Variants in RNF6 observed in about 807,000 individuals in gnomAD.
The protein encoded by RNF6 is ring finger protein 6, also known as E3 ubiquitin-protein ligase RNF6.
In RNF6, 21 loss-of-function variants were observed where a neutral mutation model predicts 50.1. The observed-to-expected ratio is 0.42, with a 90% CI of 0.30 to 0.60. The LOEUF (loss-of-function observed/expected upper bound fraction) is 0.60. Among genes scored for constraint, RNF6 ranks in the 20% least tolerant of loss-of-function variants. RNF6 has a pLI of 0.20. For synonymous variants in RNF6, 255 were observed against 291.8 expected (o/e 0.87, Z 1.29); for missense variants, 698 against 838.2 (o/e 0.83, Z 2.07).
At chr13:26,141,811 A>G (rs932820684) in intron 5 of RNF6, among the ~76,000 whole-genome samples, 1 of 152,164 alleles carries the variant, frequency 6.6e-6, no homozygotes, top group East Asian at 1.9e-4. Context: ...CTTTCTGGAC[A>G]TTGGCCTTGG....
downstream of RNF6, among the ~76,000 whole-genome samples, chr13:26,212,215 G>A (rs909333266): frequency 6.6e-6 from 1 of 152,084 alleles, no homozygotes; most frequent in Non-Finnish European, 1.5e-5. Flanking sequence ...AAAATCAAGA[G>A]ACATCTAACA....
intron 5 of RNF6, among the ~76,000 whole-genome samples, chr13:26,186,507 A>G (rs1463901909): frequency 6.6e-6 from 1 of 152,162 alleles, no homozygotes; most frequent in African/African-American, 2.4e-5. Context: ...GACGCTTCGG[A>G]GCAGGTCTGT....
chr13:26,220,860 A>C (rs1176005680), intron 2 of RNF6, among the ~76,000 whole-genome samples: 2 of 152,250 alleles, frequency 1.3e-5, no homozygotes, highest in Non-Finnish European at 2.9e-5. Flanking sequence ...GCTGCTTTAA[A>C]TATAAGGTGA....
intron 5 of RNF6, among the ~76,000 whole-genome samples, chr13:26,141,625 T>G (rs901933177): frequency 9.2e-5 from 14 of 151,778 alleles, no homozygotes; most frequent in African/African-American, 3.4e-4. Context: ...AAACAAACAA[T>G]GGGGAAAGAA....
intron 5 of RNF6, among the ~76,000 whole-genome samples, chr13:26,181,224 C>T (rs954461864): frequency 3.0e-4 from 45 of 152,110 alleles, no homozygotes; most frequent in African/African-American, 8.0e-4. Flanking sequence ...AGATTAGAGT[C>T]GGGGGCTCTG....
intron 5 of RNF6, chr13:26,142,330 C>T (rs1341594014): frequency 6.6e-6 from 1 of 152,096 alleles, no homozygotes; most frequent in East Asian, 1.9e-4. Flanking sequence ...GGAGATTTAT[C>T]AAAGAACTAA....
At chr13:26,211,729 G>GC (rs61383574), downstream of RNF6, among the ~76,000 whole-genome samples, 5,540 of 152,220 alleles carry the variant, frequency 0.036, 181 homozygotes, top group African/African-American at 0.08. Flanking sequence ...CTGCACTCAA[G>GC]CCTGGGCAAC....
intron 5 of RNF6, among the ~76,000 whole-genome samples, chr13:26,153,681 A>T (rs544195873): frequency 6.6e-6 from 1 of 152,328 alleles, no homozygotes; most frequent in East Asian, 1.9e-4. Context: ...AAAGCCTTGA[A>T]TTTAACTCGT....
intron 5 of RNF6, among the ~76,000 whole-genome samples, chr13:26,197,171 C>T (rs1402993565): frequency 6.6e-6 from 1 of 151,814 alleles, no homozygotes; most frequent in African/African-American, 2.4e-5. Context: ...CCCCATGCTC[C>T]TGGGATGATC....
chr13:26,219,445 C>G lies in RNF6; in HGVS notation c.193+12G>C. ...TGAAAAAAGGGTGTTTCCTCTTTTACCCATCTCTTACCAGGGGTGCCTAAA... is the reference window on the plus strand; with the variant it reads ...TGAAAAAAGGGTGTTTCCTCTTTTAGCCATCTCTTACCAGGGGTGCCTAAA... On this transcript the variant is annotated intron_variant, in intron 3 of 4. Transcript: ENST00000381588. 1 of 1,580,858 alleles carries G rather than the reference C, an allele frequency of 6.3e-7. No homozygotes were observed. Among genetic ancestry groups the G allele is most frequent in the African/African-American group, 1.3e-5 (1 of 74,202 alleles).
chr13:26,205,180 A>G (rs1869059674), intron 5 of RNF6, among the ~76,000 whole-genome samples: 1 of 152,030 alleles, frequency 6.6e-6, no homozygotes, highest in Non-Finnish European at 1.5e-5. Context: ...TAACACCAAC[A>G]ATTAGACATC....
At chr13:26,218,710 T>G (rs1241478809) in intron 3 of RNF6, 104 bp from the exon 4 acceptor site, 5 of 798,606 alleles carry the variant, frequency 6.3e-6, no homozygotes, top group Admixed American at 2.1e-5. Context: ...GACAAATGTC[T>G]TATTACTTTC....
chr13:26,140,470 C>A (rs554254328), intron 5 of RNF6, among the ~76,000 whole-genome samples: 1 of 152,234 alleles, frequency 6.6e-6, no homozygotes, highest in African/African-American at 2.4e-5. Context: ...AAAGCATCAA[C>A]AAACTAGGAA....
chr13:26,141,577 C>T (rs148358122), intron 5 of RNF6, among the ~76,000 whole-genome samples: 190 of 152,164 alleles, frequency 1.2e-3, no homozygotes, highest in Non-Finnish European at 2.1e-3. Context: ...AATAAAGCAG[C>T]ATATCGACAA....
intron 4 of RNF6, among the ~76,000 whole-genome samples, chr13:26,217,577 T>G (rs1419158414): frequency 6.6e-6 from 1 of 152,244 alleles, no homozygotes; most frequent in African/African-American, 2.4e-5. Context: ...GGTTGCGACT[T>G]ACCTTGATCA....
intron 5 of RNF6, among the ~76,000 whole-genome samples, chr13:26,143,435 G>A (rs1467028815): frequency 6.6e-6 from 1 of 152,194 alleles, no homozygotes; most frequent in Non-Finnish European, 1.5e-5. Context: ...TCCCAATTCA[G>A]TAGTGGAATC....
intron 5 of RNF6, among the ~76,000 whole-genome samples, chr13:26,134,373 G>C (rs759114285): frequency 1.3e-5 from 2 of 152,238 alleles, no homozygotes; most frequent in Non-Finnish European, 2.9e-5. Flanking sequence ...ATGGGTGAGC[G>C]TGAGGCCACA....
chr13:26,179,060 C>A (rs1276224243), intron 5 of RNF6, among the ~76,000 whole-genome samples: 2 of 152,274 alleles, frequency 1.3e-5, no homozygotes, highest in African/African-American at 4.8e-5. Context: ...GAACACTGTG[C>A]ACCAGTTATC....
chr13:26,155,432 C>T (rs1006437845), intron 5 of RNF6, among the ~76,000 whole-genome samples: 13 of 151,882 alleles, frequency 8.6e-5, no homozygotes, highest in East Asian at 3.9e-4. Flanking sequence ...CAAAACTGCA[C>T]GCATCCCAAA....
Sources: gnomAD v4.1 joint callset for allele counts (sites outside exome capture counted in the v4.1 genomes callset) on GRCh38, gnomAD v4.1.1 for gene constraint, MANE v1.5 for transcripts, NCBI Gene and HGNC (gene_info 2026-07-23, HGNC 2026-07-21) for gene names.